ARFGEF1: variants seen among roughly 807,000 people sequenced by gnomAD.
ARFGEF1 encodes brefeldin A-inhibited guanine nucleotide-exchange protein 1.
ARFGEF1 carries 42 observed loss-of-function variants against 231.0 expected under a neutral mutation model. That is an observed-to-expected ratio of 0.18 (90% CI 0.14 to 0.24). The LOEUF is 0.24. Among genes scored for constraint, ARFGEF1 ranks in the 10% least tolerant of loss-of-function variants. The pLI is 1.00. For synonymous variants in ARFGEF1, 710 were observed against 732.3 expected, an observed-to-expected ratio of 0.97 and a Z score of 0.49; for missense variants, 1,345 against 2,192.0, an observed-to-expected ratio of 0.61 and a Z score of 7.72.
intron 18 of ARFGEF1, 85 bp from the exon 19 acceptor site, chr8:67,251,535 C>G: frequency 7.9e-7 from 1 of 1,263,006 alleles, no homozygotes; most frequent in Non-Finnish European, 1.1e-6. Context: ...TAATAAACAC[C>G]ACCAGTAATT....
At chr8:67,325,800 T>A (rs935041436) in intron 1 of ARFGEF1, among the ~76,000 whole-genome samples, 6 of 152,160 alleles carry the variant, frequency 3.9e-5, no homozygotes, top group Non-Finnish European at 8.8e-5. Context: ...CAGAAGTGCA[T>A]CTACTCAGGA....
At chr8:67,182,436 C>T (rs1320121341) in intron 5 of ARFGEF1, among the ~76,000 whole-genome samples, 1 of 152,140 alleles carries the variant, frequency 6.6e-6, no homozygotes, top group Non-Finnish European at 1.5e-5. Flanking sequence ...GTGAATAATG[C>T]TCCTATGAAT....
At chr8:67,282,493 A>G (rs530712921) in intron 7 of ARFGEF1, among the ~76,000 whole-genome samples, 1 of 152,330 alleles carries the variant, frequency 6.6e-6, no homozygotes, top group East Asian at 1.9e-4. Flanking sequence ...AGACAAAAAC[A>G]GAAACCACAA....
intron 17 of ARFGEF1, among the ~76,000 whole-genome samples, chr8:67,254,174 G>A (rs1460469011): frequency 6.6e-6 from 1 of 152,118 alleles, no homozygotes; most frequent in Non-Finnish European, 1.5e-5. Context: ...TCTTGTATAA[G>A]AGTACCCTAA....
At chr8:67,306,624 C>G (rs1330683298) in intron 1 of ARFGEF1, among the ~76,000 whole-genome samples, 1 of 152,128 alleles carries the variant, frequency 6.6e-6, no homozygotes, top group Non-Finnish European at 1.5e-5. Flanking sequence ...ATTCTATTAT[C>G]TGTACACTAT....
intron 5 of ARFGEF1, among the ~76,000 whole-genome samples, chr8:67,293,995 C>G (rs1057039801): frequency 6.6e-6 from 1 of 151,996 alleles, no homozygotes; most frequent in African/African-American, 2.4e-5. Flanking sequence ...TGGATTCAAC[C>G]AAACAGGGAT....
chr8:67,251,772 G>A (rs901324913), intron 18 of ARFGEF1, among the ~76,000 whole-genome samples: 2 of 151,820 alleles, frequency 1.3e-5, no homozygotes, highest in Non-Finnish European at 2.9e-5. Flanking sequence ...CGTTATGAAT[G>A]TACTAAATGC....
chr8:67,289,191 AG>A (rs1180051579), intron 6 of ARFGEF1, among the ~76,000 whole-genome samples: 1 of 152,164 alleles, frequency 6.6e-6, no homozygotes, highest in African/African-American at 2.4e-5. Context: ...TCTACACCAA[AG>A]GGCATCAGAC....
intron 19 of ARFGEF1, among the ~76,000 whole-genome samples, chr8:67,241,813 G>C (rs180814841): frequency 7.2e-5 from 11 of 152,120 alleles, no homozygotes; most frequent in African/African-American, 2.2e-4. Context: ...ACATTGAAGG[G>C]GTAGGAAAGA....
chr8:67,334,136 CAA>C (rs368714166), intron 1 of ARFGEF1, among the ~76,000 whole-genome samples: 6 of 43,730 alleles, frequency 1.4e-4, no homozygotes, highest in African/African-American at 3.0e-4. Flanking sequence ...AACTCCGTCT[CAA>C]AAAAAAAAAA....
chr8:67,266,035 T>C lies in ARFGEF1; in HGVS notation c.2094A>G (p.Gln698=). ...CTATCCCTTGTTCTATTATTTCTTT[T>C]TGTTGCTTTAGGACCTCAAATTGTT... is the stretch of plus-strand genomic sequence containing the variant. The part of the protein sequence containing the change: ...NPEQFEVLKQ[Q]KEIIEQGIDL... The change falls in exon 14 of 39, where the codon CAA becomes CAG. Residue 698 remains glutamine (Q), a synonymous_variant. Transcript: ENST00000262215. 6.2e-7 allele frequency: 1 copy of C among 1,613,868 alleles called. No homozygotes were observed. Among genetic ancestry groups the C allele is most frequent in the African/African-American group, 1.3e-5 (1 of 75,042 alleles).
chr8:67,246,567 G>A (rs557674651), intron 19 of ARFGEF1, among the ~76,000 whole-genome samples: 15 of 150,464 alleles, frequency 1.0e-4, no homozygotes, highest in Non-Finnish European at 2.2e-4. Flanking sequence ...AAATGATAAT[G>A]AAGACACAAC....
At chr8:67,206,514 T>C (rs1422837500) in intron 34 of ARFGEF1, among the ~76,000 whole-genome samples, 1 of 151,190 alleles carries the variant, frequency 6.6e-6, no homozygotes, top group African/African-American at 2.4e-5. Context: ...TCATCAGCTA[T>C]ACACAGTCAC....
chr8:67,271,654 A>G, intron 10 of ARFGEF1, 48 bp downstream of exon 10: 1 of 1,320,800 alleles, frequency 7.6e-7, no homozygotes, highest in Non-Finnish European at 1.1e-6. Flanking sequence ...TTAACATGAA[A>G]CAAATGAAAT....
intron 5 of ARFGEF1, 37 bp downstream of exon 5, chr8:67,296,394 G>GTGTT (rs777668130): frequency 1.3e-6 from 2 of 1,589,112 alleles, no homozygotes; most frequent in South Asian, 2.3e-5. Flanking sequence ...AATGCCTGTT[G>GTGTT]TGTTCTATAC....
intron 33 of ARFGEF1, among the ~76,000 whole-genome samples, chr8:67,214,774 T>C (rs575770721): frequency 6.6e-6 from 1 of 152,064 alleles, no homozygotes; most frequent in African/African-American, 2.4e-5. Flanking sequence ...CCAGCAGACA[T>C]ATGGCCAGCC....
intron 14 of ARFGEF1, 92 bp downstream of exon 14, chr8:67,265,914 A>T: frequency 9.1e-7 from 1 of 1,097,820 alleles, no homozygotes; most frequent in Non-Finnish European, 1.3e-6. Flanking sequence ...CCTCCATTTT[A>T]CTCATTATAA....
chr8:67,183,896 AGGCT>A (rs1833682856), intron 5 of ARFGEF1, among the ~76,000 whole-genome samples: 1 of 124,038 alleles, frequency 8.1e-6, no homozygotes, highest in African/African-American at 3.2e-5. Context: ...TGTTGTCCCC[AGGCT>A]GGAGCGTGAT....
chr8:67,278,790 A>G (rs1378388151), intron 7 of ARFGEF1, among the ~76,000 whole-genome samples: 13 of 152,240 alleles, frequency 8.5e-5, no homozygotes, highest in African/African-American at 2.2e-4. Flanking sequence ...AAAAAACTGG[A>G]TAATTCCGAA....
Sources: gnomAD v4.1 joint callset for allele counts (sites outside exome capture counted in the v4.1 genomes callset) on GRCh38, gnomAD v4.1.1 for gene constraint, MANE v1.5 for transcripts, NCBI Gene and HGNC (gene_info 2026-07-23, HGNC 2026-07-21) for gene names.